Variants in RFT1 observed in about 807,000 individuals in gnomAD.
The protein encoded by RFT1 is RFT1 glycolipid translocator homolog, also known as man(5)GlcNAc(2)-PP-dolichol translocation protein RFT1.
RFT1 carries 43 observed loss-of-function variants against 62.2 expected under a neutral mutation model. The observed-to-expected ratio is 0.69, with a 90% CI of 0.54 to 0.89. The LOEUF (loss-of-function observed/expected upper bound fraction) is 0.89, where lower values mean the gene tolerates loss of function less well. Ranked by LOEUF, RFT1 falls within the 40% of genes least tolerant of loss-of-function variation. The pLI, the probability that RFT1 is intolerant of heterozygous loss-of-function variation, is 0.00. For missense variants in RFT1, 605 were observed against 649.9 expected, an observed-to-expected ratio of 0.93 and a Z score of 0.75; for synonymous variants, 262 against 264.6, an observed-to-expected ratio of 0.99 and a Z score of 0.10.
At chr3:53,112,049 C>G in intron 6 of RFT1, 141 bp from the exon 7 acceptor site, 1 of 726,656 alleles carries the variant, frequency 1.4e-6, no homozygotes, top group Non-Finnish European at 2.5e-6. Context: ...CAATGCTAAG[C>G]ACACAGAAGG....
At chr3:53,069,163 C>A in the RFT1 span, among the ~76,000 whole-genome samples, 1 of 152,178 alleles carries the variant, frequency 6.6e-6, no homozygotes, top group Admixed American at 6.5e-5. Flanking sequence ...TGGTCTCGAA[C>A]TTCTGACCTC....
At chr3:53,088,297 C>T (rs1700902433), downstream of RFT1, among the ~76,000 whole-genome samples, 3 of 152,096 alleles carry the variant, frequency 2.0e-5, no homozygotes, top group Non-Finnish European at 4.4e-5. Flanking sequence ...ACAGGAGGTG[C>T]CAGGATACCA....
intron 7 of RFT1, among the ~76,000 whole-genome samples, chr3:53,108,319 T>C (rs1374561730): frequency 2.0e-5 from 3 of 151,828 alleles, no homozygotes; most frequent in Non-Finnish European, 4.4e-5. Context: ...CCCAAAGTGC[T>C]TGGATTGCAG....
At chr3:53,067,592 A>G in the RFT1 span, among the ~76,000 whole-genome samples, 1 of 152,154 alleles carries the variant, frequency 6.6e-6, no homozygotes, top group African/African-American at 2.4e-5. Context: ...CCTATGTAAA[A>G]TTCATTGAGC....
intron 2 of RFT1, 86 bp from the exon 3 acceptor site, chr3:53,123,926 T>A: frequency 2.7e-6 from 3 of 1,112,276 alleles, no homozygotes; most frequent in Non-Finnish European, 4.0e-6. Context: ...AGGGAGGAGA[T>A]AAAGTCTTGG....
At chr3:53,103,778 C>T (rs2107107905) in intron 10 of RFT1, 175 bp downstream of exon 10, 1 of 791,408 alleles carries the variant, frequency 1.3e-6, no homozygotes, top group South Asian at 1.6e-5. Flanking sequence ...CCTGCCTATA[C>T]CTTGAGTGTG....
chr3:53,100,551 C>T (rs188494549), intron 10 of RFT1, among the ~76,000 whole-genome samples: 6 of 152,186 alleles, frequency 3.9e-5, no homozygotes, highest in South Asian at 2.1e-4. Flanking sequence ...ATAAACAAAA[C>T]GTGGGCCATC....
the RFT1 span, among the ~76,000 whole-genome samples, chr3:53,067,057 G>A: frequency 6.6e-6 from 1 of 152,270 alleles, no homozygotes. Context: ...GCTGGGCGCA[G>A]TGGCTCACGC....
Position 53,106,582 on chromosome 3 carries a change from C to T in RFT1, c.826+237G>A, listed in dbSNP as rs905721560. On this transcript the variant is annotated intron_variant, in intron 8 of 12. Coordinates refer to ENST00000296292, the MANE Select transcript of RFT1 (RefSeq NM_052859.4). ...TCCTCTCTTGGCACCTCCCACCTCC[C>T]AAAATGAACACCAGAGCTCTCAGGA... Among the ~76,000 whole-genome samples, 3 of 152,268 alleles carry T rather than the reference C, an allele frequency of 2.0e-5. No individual in the cohort carries two copies. In the East Asian group the frequency reaches 5.8e-4, roughly 29 times the overall value.
At chr3:53,086,256 C>A (rs574390250), downstream of RFT1, among the ~76,000 whole-genome samples, 22 of 152,280 alleles carry the variant, frequency 1.4e-4, no homozygotes, top group African/African-American at 5.3e-4. Flanking sequence ...CCTGGACACT[C>A]ATGGAATATT....
At chr3:53,108,194 G>A (rs1266359500) in intron 7 of RFT1, among the ~76,000 whole-genome samples, 1 of 149,172 alleles carries the variant, frequency 6.7e-6, no homozygotes, top group African/African-American at 2.5e-5. Flanking sequence ...GATTACAGGT[G>A]TCCACCACCA....
At chr3:53,068,301 T>C in the RFT1 span, among the ~76,000 whole-genome samples, 1 of 152,102 alleles carries the variant, frequency 6.6e-6, no homozygotes, top group East Asian at 1.9e-4. Context: ...TTCTGAGCAC[T>C]GGCTCTGCAG....
rs892926343 is a variant in RFT1 at position 53,090,116 on chromosome 3, G to A, written c.*1787C>T. The A allele has an allele frequency of 6.5e-6, 1 of 152,760 alleles. No individual in the cohort carries two copies. The highest frequency in any genetic ancestry group is 1.5e-5 in the Non-Finnish European group (1 of 68,098). 9.5% of individuals were successfully genotyped at this position (152,760 alleles called of 1,614,324 possible). ...GAGACACAGACCCTGAAGGCCTGGAGTGGGTCCTGGGAAGCCATGTTCTGA... is the reference window on the plus strand; with the variant it reads ...GAGACACAGACCCTGAAGGCCTGGAATGGGTCCTGGGAAGCCATGTTCTGA... On this transcript the variant is annotated 3_prime_UTR_variant, in exon 13 of 13. Transcript: ENST00000296292.
chr3:53,122,555 AGG>A lies in RFT1; in HGVS notation c.273_274del (p.Leu92GlyfsTer17), dbSNP rs746872321. 1 of 1,607,114 alleles carries A rather than the reference AGG, an allele frequency of 6.2e-7. No homozygotes were observed. Among genetic ancestry groups the A allele is most frequent in the Admixed American group, 1.7e-5 (1 of 59,764 alleles). On this transcript the variant is annotated frameshift_variant, in exon 4 of 13. Coordinates refer to ENST00000296292, the MANE Select transcript of RFT1 (RefSeq NM_052859.4). LOFTEE classifies it high-confidence loss of function. ...CAGGAATAAGGACCAAAACACACCC[AGG>A]GGGACTCTAGAAGAGGAGAAAAAAA...
rs892815494 is a variant in RFT1 at position 53,122,881 on chromosome 3, A to G, written c.267-318T>C. ...CAATAACTCCAAAGCCTAAACTTCT[A>G]TCCACTGGGTTACACATACTGACCC... On this transcript the variant is annotated intron_variant, in intron 3 of 12. Coordinates refer to ENST00000296292, the MANE Select transcript of RFT1 (RefSeq NM_052859.4). 1.6e-4 allele frequency among the ~76,000 whole-genome samples: 25 copies of G among 152,350 alleles called. No individual in the cohort carries two copies. In the Middle Eastern group the frequency reaches 0.01, roughly 62 times the overall value.
the RFT1 span, among the ~76,000 whole-genome samples, chr3:53,081,056 C>G: frequency 9.2e-5 from 14 of 152,222 alleles, no homozygotes; most frequent in African/African-American, 3.1e-4. Flanking sequence ...CCAGGCCTGA[C>G]ACAGGCGAGT....
chr3:53,074,017 CGGTGAGGCAGGCCCTGCGAGGGCCCA>C, the RFT1 span, among the ~76,000 whole-genome samples: 1 of 152,200 alleles, frequency 6.6e-6, no homozygotes, highest in African/African-American at 2.4e-5. Flanking sequence ...TGCGGGGCCC[CGGTGAGGCAGGCCCTGCGAGGGCCCA>C]GGTGAGCCAG....
intron 6 of RFT1, among the ~76,000 whole-genome samples, chr3:53,118,787 A>AATG (rs1176362235): frequency 1.3e-5 from 2 of 152,144 alleles, no homozygotes; most frequent in Non-Finnish European, 2.9e-5. Context: ...AGAGCCAGAA[A>AATG]ATGAAAGTCC....
At chr3:53,126,768 CTG>C (rs1398338619) in intron 1 of RFT1, among the ~76,000 whole-genome samples, 1 of 152,150 alleles carries the variant, frequency 6.6e-6, no homozygotes, top group Admixed American at 6.6e-5. Context: ...AACAAGAAGA[CTG>C]TAATTAAACA....
Sources: gnomAD v4.1 joint callset for allele counts (sites outside exome capture counted in the v4.1 genomes callset) on GRCh38, gnomAD v4.1.1 for gene constraint, MANE v1.5 for transcripts, NCBI Gene and HGNC (gene_info 2026-07-23, HGNC 2026-07-21) for gene names.